SKA3: variants seen among roughly 807,000 people sequenced by gnomAD.
The protein encoded by SKA3 is spindle and kinetochore-associated protein 3.
Under a neutral mutation model 44.2 loss-of-function variants are expected in SKA3, and 39 were observed. The observed-to-expected ratio is 0.88, with a 90% CI of 0.68 to 1.15. The LOEUF (loss-of-function observed/expected upper bound fraction) is 1.15. Among genes scored for constraint, SKA3 ranks in the 50% most tolerant of loss-of-function variants. The pLI is 0.00. For missense variants in SKA3, 511 were observed against 485.8 expected (o/e 1.05, Z -0.49); for synonymous variants, 192 against 172.0 (o/e 1.12, Z -0.91).
rs1245304169 is a variant in SKA3 at position 21,155,133 on chromosome 13, AT to A, written c.*16del. The A allele has an allele frequency of 3.7e-6, 6 of 1,612,546 alleles. No homozygotes were observed. The South Asian group carries it at 6.6e-5, about 18-fold the overall frequency. The stretch of plus-strand genomic sequence containing the variant: ...TCATTTTGTTCAGTTTCTGTGTTGG[AT>A]AGATCCACTGGAATTTCTGCAACAG... On this transcript the variant is annotated 3_prime_UTR_variant, in exon 9 of 9. Transcript: ENST00000314759.
intron 1 of SKA3, among the ~76,000 whole-genome samples, chr13:21,172,952 A>AC (rs1871153652): frequency 6.6e-6 from 1 of 152,308 alleles, no homozygotes; most frequent in East Asian, 1.9e-4. Flanking sequence ...AGGCTACACC[A>AC]TACAGCCTAG....
At chr13:21,161,085 C>T (rs1870412807) in intron 5 of SKA3, among the ~76,000 whole-genome samples, 1 of 152,100 alleles carries the variant, frequency 6.6e-6, no homozygotes, top group African/African-American at 2.4e-5. Flanking sequence ...ACAGTTGTGA[C>T]CAGCCTGGGC....
chr13:21,160,311 G>A (rs535245577), intron 5 of SKA3, among the ~76,000 whole-genome samples: 4 of 152,206 alleles, frequency 2.6e-5, no homozygotes, highest in Admixed American at 2.0e-4. Flanking sequence ...GGAGGAAGAC[G>A]GAGAACAGGT....
chr13:21,172,328 G>C lies in SKA3; in HGVS notation c.331+11C>G. On this transcript the variant is annotated intron_variant, in intron 3 of 8. Transcript: ENST00000314759. ...ACTAAAACAAATGCTATAAAATGAA[G>C]TTATTCAAACCTGAATTTTTCTTGA... 2.6e-6 allele frequency: 3 copies of C among 1,145,566 alleles called. No homozygotes were observed. The highest frequency in any genetic ancestry group is 3.4e-6 in the Non-Finnish European group (3 of 870,874). The allele number at this position is 1,145,566 out of a possible 1,614,324, so 71.0% of individuals were successfully genotyped here.
At chr13:21,162,919 A>G (rs1261215622) in intron 4 of SKA3, among the ~76,000 whole-genome samples, 1 of 152,110 alleles carries the variant, frequency 6.6e-6, no homozygotes, top group African/African-American at 2.4e-5. Flanking sequence ...GTTGCGGCAC[A>G]TACCTGTAGC....
chr13:21,167,994 T>C lies in SKA3; in HGVS notation c.737A>G (p.Asn246Ser). 6.3e-7 allele frequency: 1 copy of C among 1,575,682 alleles called. No homozygotes were observed. Among genetic ancestry groups the C allele is most frequent in the East Asian group, 2.3e-5 (1 of 44,420 alleles). ...TTTTAACAGAGCTGCTTACCTTTTA[T>C]TATTCCTCGCATTTTTAAGTCCCAT... Reference protein sequence around the residue: ...YTMGLKNARNNKSEEAIDTES... With the variant: ...YTMGLKNARNSKSEEAIDTES... Residue 246 changes from asparagine (N) to serine (S), a missense_variant, in exon 4 of 9, where the codon AAT becomes AGT. Physicochemically the swap from Asn to Ser is conservative, Grantham distance 46 (BLOSUM62 1). Transcript: ENST00000314759.
intron 3 of SKA3, among the ~76,000 whole-genome samples, chr13:21,169,765 C>G (rs1368876387): frequency 1.3e-5 from 2 of 151,842 alleles, no homozygotes; most frequent in African/African-American, 4.8e-5. Context: ...GCCTCCCAGG[C>G]AGCTGGTACT....
chr13:21,172,822 A>C, intron 1 of SKA3, 141 bp from the exon 2 acceptor site: 1 of 541,616 alleles, frequency 1.8e-6, no homozygotes, highest in Non-Finnish European at 3.3e-6. Flanking sequence ...ATAAGATAAT[A>C]CCATATTTTT....
intron 6 of SKA3, among the ~76,000 whole-genome samples, chr13:21,158,755 G>A (rs567036208): frequency 6.6e-6 from 1 of 152,210 alleles, no homozygotes; most frequent in African/African-American, 2.4e-5. Flanking sequence ...ATCACAGCAT[G>A]AACAAATGTT....
chr13:21,166,057 AT>A (rs1256425512), intron 4 of SKA3, among the ~76,000 whole-genome samples: 44 of 150,674 alleles, frequency 2.9e-4, no homozygotes, highest in African/African-American at 9.7e-4. Flanking sequence ...TGCTCTTGTT[AT>A]CTAGGCTGGA....
chr13:21,159,832 A>G (rs1321629106), intron 6 of SKA3, 70 bp downstream of exon 6: 39 of 1,162,356 alleles, frequency 3.4e-5, no homozygotes, highest in Non-Finnish European at 4.7e-5. Context: ...AGACTCTTTG[A>G]GCCTGCAAGC....
intron 6 of SKA3, among the ~76,000 whole-genome samples, 197 bp downstream of exon 6, chr13:21,159,705 T>C (rs1325425085): frequency 6.6e-6 from 1 of 152,152 alleles, no homozygotes; most frequent in Non-Finnish European, 1.5e-5. Context: ...TTCAGAGATA[T>C]GGTTTAAAGG....
chr13:21,168,274 G>C lies in SKA3; in HGVS notation c.457C>G (p.Pro153Ala). ...VASSCISEKS[P>A]RSPQLSDFGL... is the part of the protein sequence containing the mutation. ...AAATCTGAAAGTTGTGGACTACGTG[G>C]AGACTTCTCAGAAATACAACTGCTT... Residue 153 changes from proline to alanine, a missense_variant, in exon 4 of 9, where the codon CCA becomes GCA. Transcript: ENST00000314759. 1.2e-6 allele frequency: 2 copies of C among 1,614,204 alleles called. No homozygotes were observed. Among genetic ancestry groups the C allele is most frequent in the Non-Finnish European group, 1.7e-6 (2 of 1,180,032 alleles).
intron 6 of SKA3, among the ~76,000 whole-genome samples, chr13:21,158,855 G>A (rs1352471799): frequency 3.3e-5 from 5 of 152,140 alleles, no homozygotes; most frequent in African/African-American, 4.8e-5. Context: ...TGGGTAAGTC[G>A]CTTCATCTCT....
rs772109707 is a variant in SKA3, at chr13:21,168,213, G to T, written c.518C>A (p.Pro173Gln). 7 of 1,614,038 alleles carry T rather than the reference G, an allele frequency of 4.3e-6. No individual in the cohort carries two copies. Among genetic ancestry groups the T allele is most frequent in the Non-Finnish European group, 5.9e-6 (7 of 1,180,036 alleles). Residue 173 changes from proline to glutamine, a missense_variant, in exon 4 of 9, where the codon CCA becomes CAA. Coordinates refer to ENST00000314759, the MANE Select transcript of SKA3 (RefSeq NM_145061.6). ...GTTGTTCACTGCCTGTGGAGGGTTT[G>T]GTAGAACTTGGGATACGATGTACCG... ...LERYIVSQVLPNPPQAVNNYK... is the reference protein window; with the variant it reads ...LERYIVSQVLQNPPQAVNNYK...
intron 4 of SKA3, among the ~76,000 whole-genome samples, chr13:21,163,855 C>T (rs1176760542): frequency 6.6e-6 from 1 of 152,178 alleles, no homozygotes; most frequent in African/African-American, 2.4e-5. Flanking sequence ...CCTCCATCTC[C>T]TGGGTTCAAA....
intron 1 of SKA3, among the ~76,000 whole-genome samples, chr13:21,175,101 G>C (rs1345605752): frequency 1.3e-5 from 2 of 151,076 alleles, no homozygotes; most frequent in Non-Finnish European, 2.9e-5. Context: ...CTCAGCCTCC[G>C]AGTAGCTGGG....
chr13:21,155,849 T>C, intron 7 of SKA3, 38 bp from the exon 8 acceptor site: 2 of 843,812 alleles, frequency 2.4e-6, no homozygotes, highest in Middle Eastern at 2.6e-4. Flanking sequence ...TATCGAGCCA[T>C]ATGAATAATA....
At chr13:21,161,663 G>A (rs1339370929) in intron 5 of SKA3, 127 bp downstream of exon 5, 6 of 554,710 alleles carry the variant, frequency 1.1e-5, no homozygotes, top group Middle Eastern at 4.8e-4. Flanking sequence ...GGTACTTAAT[G>A]TAATCCAATG....
Sources: allele counts gnomAD v4.1 joint callset (sites outside exome capture counted in the v4.1 genomes callset), GRCh38; gene constraint gnomAD v4.1.1; transcripts MANE v1.5; gene names NCBI Gene and HGNC (gene_info 2026-07-23, HGNC 2026-07-21).